The following SDK2 variants were observed in gnomAD, a reference collection of about 807,000 sequenced individuals.
SDK2 encodes protein sidekick-2.
SDK2 carries 105 observed loss-of-function variants against 253.9 expected under a neutral mutation model. The observed-to-expected ratio is 0.41, with a 90% CI of 0.35 to 0.49. SDK2 has a LOEUF of 0.49. Among genes scored for constraint, SDK2 ranks in the 20% least tolerant of loss-of-function variants. SDK2 has a pLI of 0.06. For missense variants in SDK2, 2,608 were observed against 3,003.0 expected, an observed-to-expected ratio of 0.87 and a Z score of 3.07; for synonymous variants, 1,249 against 1,234.9, an observed-to-expected ratio of 1.01 and a Z score of -0.24.
chr17:73,374,668 A>T (rs933359390), intron 36 of SDK2, among the ~76,000 whole-genome samples: 2 of 149,922 alleles, frequency 1.3e-5, no homozygotes, highest in Non-Finnish European at 2.9e-5. Context: ...CGGTTTCGTC[A>T]TGTTGGCCAG....
intron 1 of SDK2, among the ~76,000 whole-genome samples, chr17:73,537,380 C>A (rs890294401): frequency 6.6e-6 from 1 of 152,148 alleles, no homozygotes; most frequent in Non-Finnish European, 1.5e-5. Flanking sequence ...CTCACCTCCC[C>A]CTTCTGCCCC....
At position 73,609,975 on chromosome 17, in the gene SDK2, G is replaced by C. The variant is rs2045953253; in HGVS notation, c.64+34050C>G. ...CGGAGCTCAGCCAGGCAGCTGCACG[G>C]GAAACAGGTGTCCTGCTGAACAAGA... is the stretch of plus-strand genomic sequence containing the variant. On this transcript the variant is annotated intron_variant, in intron 1 of 44. Transcript: ENST00000392650. The surrounding 1 kb of genome is among the most constrained non-coding windows in gnomAD (Gnocchi z 4.4). Among the ~76,000 whole-genome samples the C allele has an allele frequency of 6.6e-6, 1 of 152,238 alleles. No homozygotes were observed. The highest frequency in any genetic ancestry group is 1.5e-5 in the Non-Finnish European group (1 of 68,048).
At position 73,644,019 on chromosome 17, in the gene SDK2, C is replaced by T; in HGVS notation, c.64+6G>A. 1 of 1,548,256 alleles carries T rather than the reference C, an allele frequency of 6.5e-7. No individual in the cohort carries two copies. Among genetic ancestry groups the T allele is most frequent in the Non-Finnish European group, 8.7e-7 (1 of 1,145,458 alleles). On this transcript the variant is annotated splice_donor_region_variant and intron_variant, in intron 1 of 44. Coordinates refer to ENST00000392650, the MANE Select transcript of SDK2 (RefSeq NM_001144952.2). This position sits in a 1 kb window ranked among gnomAD's most constrained non-coding sequence, Gnocchi z 6.3. ...TCCCTGTCCCCACGTGGGGGTCCCT[C>T]CTTACCTTGGGCTCTGGCCGCGCGG... is the stretch of plus-strand genomic sequence containing the variant.
chr17:73,586,331 G>A (rs1362514296), intron 1 of SDK2, among the ~76,000 whole-genome samples: 3 of 152,014 alleles, frequency 2.0e-5, no homozygotes, highest in Admixed American at 2.0e-4. Context: ...GGGTGTGTGT[G>A]GCTGGATCAA....
intron 1 of SDK2, among the ~76,000 whole-genome samples, chr17:73,536,075 G>A (rs139016179): frequency 6.6e-5 from 10 of 152,064 alleles, no homozygotes; most frequent in African/African-American, 2.2e-4. Context: ...CAATTTCCCC[G>A]CCCTGCAGTT....
intron 1 of SDK2, among the ~76,000 whole-genome samples, chr17:73,571,555 A>T (rs1172921119): frequency 6.6e-6 from 1 of 152,176 alleles, no homozygotes; most frequent in East Asian, 1.9e-4. Context: ...CGCTCTAAGC[A>T]GCCTGTGCCT....
chr17:73,440,966 C>A lies in SDK2; in HGVS notation c.614-43G>T. The A allele has an allele frequency of 2.2e-6, 3 of 1,387,994 alleles. No homozygotes were observed. In the South Asian group the frequency reaches 3.9e-5, roughly 18 times the overall value. 86.0% of individuals were successfully genotyped at this position (1,387,994 alleles called of 1,614,324 possible). A position where few individuals can be genotyped will look rare whatever the true frequency, so the allele number is the denominator to read the frequency against. ...GTTAGCTGGGGGCGAGGCTGGAAAT[C>A]CTATCCCTGCCCAGCCTCATTAGAG... On this transcript the variant is annotated intron_variant, in intron 5 of 44. Coordinates refer to ENST00000392650, the MANE Select transcript of SDK2 (RefSeq NM_001144952.2).
rs756378475 is a variant in SDK2, at chr17:73,447,730, G to C, written c.498C>G (p.Asn166Lys). 1.9e-6 allele frequency: 3 copies of C among 1,551,752 alleles called. No homozygotes were observed. In the South Asian group the frequency reaches 3.6e-5, roughly 18 times the overall value. Residue 166 changes from asparagine (N) to lysine (K), a missense_variant, in exon 5 of 45, where the codon AAC (asparagine) becomes AAG (lysine). Physicochemically the swap from Asn to Lys is moderately conservative, Grantham distance 94. Coordinates refer to ENST00000392650, the MANE Select transcript of SDK2 (RefSeq NM_001144952.2). This position sits in a 1 kb window ranked among gnomAD's most constrained non-coding sequence, Gnocchi z 4.0. ...PSSRIAITLE[N>K]TLVILSTVAP... ...CCACCGTTGACAGGATGACAAGGGT[G>C]TTCTCCAGCGTGATGGCTCTGGGAA...
chr17:73,363,170 G>A (rs1201746497), intron 38 of SDK2, among the ~76,000 whole-genome samples: 4 of 152,064 alleles, frequency 2.6e-5, no homozygotes, highest in Admixed American at 2.0e-4. Context: ...TGAAACCTCC[G>A]CCTCCTGGGT....
chr17:73,553,511 C>G (rs2045096201), intron 1 of SDK2, among the ~76,000 whole-genome samples: 3 of 152,152 alleles, frequency 2.0e-5, no homozygotes, highest in African/African-American at 7.2e-5. Flanking sequence ...GCACCTATTC[C>G]TATGATGGTG....
rs915191205 is a variant in SDK2 at position 73,438,396 on chromosome 17, A to G, written c.726-242T>C. 9.8e-5 allele frequency among the ~76,000 whole-genome samples: 15 copies of G among 152,324 alleles called. 1 individual carries two copies. Among genetic ancestry groups the G allele is most frequent in the East Asian group, 5.8e-4 (3 of 5,184 alleles). On this transcript the variant is annotated intron_variant, in intron 6 of 44. Transcript: ENST00000392650. ...AGGGGGTTGTAGCCAAGATGAATGCATTAGTGCCAGTGAAGTGCTTGGAAC... is the reference window on the plus strand; with the variant it reads ...AGGGGGTTGTAGCCAAGATGAATGCGTTAGTGCCAGTGAAGTGCTTGGAAC...
intron 36 of SDK2, among the ~76,000 whole-genome samples, 183 bp from the exon 37 acceptor site, chr17:73,368,776 G>C (rs1179312639): frequency 1.3e-5 from 2 of 152,206 alleles, no homozygotes; most frequent in African/African-American, 4.8e-5. Flanking sequence ...TTGGGAGGCA[G>C]AGGTGGGTGG....
intron 1 of SDK2, among the ~76,000 whole-genome samples, chr17:73,542,037 G>A (rs763204832): frequency 2.0e-5 from 3 of 152,194 alleles, no homozygotes; most frequent in Non-Finnish European, 2.9e-5. Flanking sequence ...TGTGAAGTGC[G>A]TGTTGCCAAC....
chr17:73,390,219 A>G (rs1313476302), intron 29 of SDK2, 68 bp downstream of exon 29: 2 of 1,331,648 alleles, frequency 1.5e-6, no homozygotes, highest in African/African-American at 1.5e-5. Context: ...CACTAGGAAC[A>G]GCTCAGAGCA....
chr17:73,442,162 G>GCT (rs2063421127), intron 5 of SDK2, among the ~76,000 whole-genome samples: 2 of 152,198 alleles, frequency 1.3e-5, no homozygotes, highest in African/African-American at 4.8e-5. Context: ...GCCAGAGCTG[G>GCT]CTCTCTCTCC....
chr17:73,386,627 T>G, intron 30 of SDK2, 79 bp from the exon 31 acceptor site: 1 of 977,136 alleles, frequency 1.0e-6, no homozygotes, highest in South Asian at 1.4e-5. Flanking sequence ...GGAGTCTCCC[T>G]GATCTGGCCC....
chr17:73,456,252 T>A (rs540849310), intron 3 of SDK2, among the ~76,000 whole-genome samples, 199 bp from the exon 4 acceptor site: 3 of 152,282 alleles, frequency 2.0e-5, no homozygotes, highest in Admixed American at 2.0e-4. Flanking sequence ...CTGTCTCCAT[T>A]CATATCCCTA....
chr17:73,396,021 A>G (rs1432756218), intron 24 of SDK2, among the ~76,000 whole-genome samples: 1 of 151,890 alleles, frequency 6.6e-6, no homozygotes, highest in African/African-American at 2.4e-5. Flanking sequence ...GGCTCAAGCA[A>G]TCTCTTGCTG....
chr17:73,342,231 C>T (rs191449119), intron 44 of SDK2, among the ~76,000 whole-genome samples: 163 of 152,250 alleles, frequency 1.1e-3, no homozygotes, highest in South Asian at 8.3e-3. Flanking sequence ...GACACTCCCC[C>T]GCCAGGACCT....
Sources: allele counts gnomAD v4.1 joint callset (sites outside exome capture counted in the v4.1 genomes callset), GRCh38; gene constraint gnomAD v4.1.1; non-coding constraint Gnocchi (gnomAD v3.1); transcripts MANE v1.5; gene names NCBI Gene and HGNC (gene_info 2026-07-23, HGNC 2026-07-21).